Variants in DTX4 observed in about 807,000 individuals in gnomAD.
The protein encoded by DTX4 is deltex E3 ubiquitin ligase 4, also known as E3 ubiquitin-protein ligase DTX4.
In DTX4, 28 loss-of-function variants were observed where a neutral mutation model predicts 57.6. The observed-to-expected ratio is 0.49, with a 90% CI of 0.36 to 0.67. The LOEUF (loss-of-function observed/expected upper bound fraction) is 0.67, where lower values mean the gene tolerates loss of function less well. DTX4 is among the 30% of genes least tolerant of loss of function. The probability of loss-of-function intolerance (pLI) is 0.00; values close to 1 mark genes in which losing one functional copy is unlikely to be tolerated. For synonymous variants in DTX4, 316 were observed against 331.0 expected, an observed-to-expected ratio of 0.95 and a Z score of 0.49; for missense variants, 715 against 836.8, an observed-to-expected ratio of 0.85 and a Z score of 1.80.
intron 7 of DTX4, among the ~76,000 whole-genome samples, 182 bp downstream of exon 7, chr11:59,195,551 C>G (rs1390436344): frequency 6.6e-6 from 1 of 152,180 alleles, no homozygotes; most frequent in Non-Finnish European, 1.5e-5. Context: ...TCCTATGTAT[C>G]CTTCCAGGAT....
At chr11:59,187,243 T>C (rs1862540056) in intron 2 of DTX4, among the ~76,000 whole-genome samples, 1 of 152,262 alleles carries the variant, frequency 6.6e-6, no homozygotes, top group Non-Finnish European at 1.5e-5. Flanking sequence ...TGGGCTCTGG[T>C]GCCAGATTTT....
At chr11:59,201,687 G>A (rs1437411936) in intron 8 of DTX4, among the ~76,000 whole-genome samples, 1 of 152,238 alleles carries the variant, frequency 6.6e-6, no homozygotes, top group Non-Finnish European at 1.5e-5. Context: ...TGCGAGTGCA[G>A]TGTCCCCAGA....
chr11:59,202,660 G>A (rs1205471347), intron 8 of DTX4, among the ~76,000 whole-genome samples: 1 of 152,124 alleles, frequency 6.6e-6, no homozygotes, highest in Non-Finnish European at 1.5e-5. Flanking sequence ...ATGGAGTCAG[G>A]CAGTCCTGAA....
At chr11:59,195,085 T>C in intron 6 of DTX4, 123 bp from the exon 7 acceptor site, 2 of 1,006,928 alleles carry the variant, frequency 2.0e-6, no homozygotes, top group Non-Finnish European at 1.5e-6. Flanking sequence ...AACTAAGATC[T>C]ATCACTCACC....
intron 2 of DTX4, among the ~76,000 whole-genome samples, chr11:59,184,282 C>A (rs908335284): frequency 2.0e-5 from 3 of 152,206 alleles, no homozygotes; most frequent in Non-Finnish European, 4.4e-5. Flanking sequence ...GAAACTAGGA[C>A]TGTCTGGGCT....
intron 2 of DTX4, among the ~76,000 whole-genome samples, chr11:59,186,320 G>A (rs1215079272): frequency 6.6e-6 from 1 of 152,194 alleles, no homozygotes; most frequent in African/African-American, 2.4e-5. Flanking sequence ...GCCAGATTGG[G>A]TGTGGAAACC....
intron 6 of DTX4, among the ~76,000 whole-genome samples, chr11:59,192,783 T>A (rs1489406394): frequency 6.6e-6 from 1 of 152,188 alleles, no homozygotes. Context: ...GTACACCTGG[T>A]AATCCCTGCC....
At chr11:59,174,676 A>C (rs1862373580) in intron 1 of DTX4, among the ~76,000 whole-genome samples, 1 of 152,024 alleles carries the variant, frequency 6.6e-6, no homozygotes, top group Non-Finnish European at 1.5e-5. Flanking sequence ...AAGGTTCATG[A>C]CCCTTTCTAC....
chr11:59,172,683 A>T lies in DTX4; in HGVS notation c.88A>T (p.Ile30Phe). The change falls in exon 1 of 9, where the codon ATC becomes TTC. Residue 30 changes from isoleucine to phenylalanine, a missense_variant. Transcript: ENST00000227451. ...RPYSPAVSHH[I>F]EAVVRAGPRA... is the part of the protein sequence containing the mutation. ...CTACAGCCCAGCGGTGAGCCACCAC[A>T]TCGAGGCGGTGGTCCGCGCCGGCCC... is the stretch of plus-strand genomic sequence containing the variant. 6.2e-7 allele frequency: 1 copy of T among 1,600,726 alleles called. No individual in the cohort carries two copies. Among genetic ancestry groups the T allele is most frequent in the Non-Finnish European group, 8.5e-7 (1 of 1,176,468 alleles).
chr11:59,192,372 G>C, intron 6 of DTX4, 122 bp downstream of exon 6: 1 of 1,166,040 alleles, frequency 8.6e-7, no homozygotes, highest in Non-Finnish European at 1.2e-6. Context: ...TTATCCCTAG[G>C]CAAGAGTGAT....
At chr11:59,192,048 A>G (rs765531225) in intron 5 of DTX4, 50 bp from the exon 6 acceptor site, 5 of 1,587,554 alleles carry the variant, frequency 3.1e-6, no homozygotes, top group Non-Finnish European at 1.7e-6. Flanking sequence ...GAAATCTCCC[A>G]GGCTGAGTGA....
rs1286320101 is a variant in DTX4 at position 59,208,388 on chromosome 11, TGCTGG to T, written c.*3481_*3485del. The T allele has an allele frequency of 1.3e-5, 2 of 152,174 alleles. No homozygotes were observed. Among genetic ancestry groups the T allele is most frequent in the Admixed American group, 6.5e-5 (1 of 15,280 alleles). 9.4% of individuals were successfully genotyped at this position (152,174 alleles called of 1,614,324 possible). ...GTTTGCCTAAAGGAACAGACCACAT[TGCTGG>T]GAAAATGAGTAAGTGAACGTGTGGG... On this transcript the variant is annotated 3_prime_UTR_variant, in exon 9 of 9. Coordinates refer to ENST00000227451, the MANE Select transcript of DTX4 (RefSeq NM_015177.2).
At chr11:59,171,643 G>A (rs1433698057), upstream of DTX4, among the ~76,000 whole-genome samples, 1 of 152,182 alleles carries the variant, frequency 6.6e-6, no homozygotes, top group Non-Finnish European at 1.5e-5. Flanking sequence ...AGCAGGGGGC[G>A]TGTCTTCTGC....
chr11:59,191,031 C>G, intron 4 of DTX4, 83 bp from the exon 5 acceptor site: 1 of 1,313,690 alleles, frequency 7.6e-7, no homozygotes, highest in Non-Finnish European at 1.1e-6. Context: ...TGATAACGTC[C>G]CCCTCTACCA....
intron 1 of DTX4, 90 bp downstream of exon 1, chr11:59,172,896 C>G: frequency 1.9e-6 from 2 of 1,029,522 alleles, no homozygotes; most frequent in Non-Finnish European, 2.7e-6. Flanking sequence ...ACCTTGGCCA[C>G]CTAGTCGGCA....
chr11:59,188,500 A>T (rs533108823), intron 2 of DTX4, among the ~76,000 whole-genome samples: 44 of 152,318 alleles, frequency 2.9e-4, no homozygotes, highest in African/African-American at 1.0e-3. Flanking sequence ...GTGTTGGCAG[A>T]TCGTGCTGGG....
rs1453186155 is a variant in DTX4 at position 59,172,619 on chromosome 11, G to T, written c.24G>T (p.Val8=). MLLASAV[V]VWEWLNEHGR... The stretch of plus-strand genomic sequence containing the variant: ...CCATGCTCCTGGCCTCGGCCGTGGT[G>T]GTCTGGGAATGGCTGAACGAGCACG... Residue 8 remains valine (V), a synonymous_variant, in exon 1 of 9, where the codon GTG becomes GTT. Coordinates refer to ENST00000227451, the MANE Select transcript of DTX4 (RefSeq NM_015177.2). The T allele has an allele frequency of 1.3e-6, 2 of 1,573,090 alleles. No individual in the cohort carries two copies. The highest frequency in any genetic ancestry group is 8.6e-7 in the Non-Finnish European group (1 of 1,167,086).
chr11:59,201,453 C>T (rs1262101653), intron 8 of DTX4, among the ~76,000 whole-genome samples: 2 of 152,156 alleles, frequency 1.3e-5, no homozygotes, highest in East Asian at 1.9e-4. Flanking sequence ...AGAACCCAAG[C>T]GGAAGTGTGT....
In DTX4 at chr11:59,182,180, G is replaced by A. The variant is rs778600523; in HGVS notation, c.653G>A (p.Arg218His). ...STGPLQLPVT[R>H]KNMPPPGVVK... ...GGGCCCCTACAGCTGCCAGTGACCCGCAAGAACATGCCGCCTCCTGGAGTG... is the reference window on the plus strand; with the variant it reads ...GGGCCCCTACAGCTGCCAGTGACCCACAAGAACATGCCGCCTCCTGGAGTG... The change falls in exon 2 of 9, where the codon CGC becomes CAC. Residue 218 changes from arginine to histidine, a missense_variant. Coordinates refer to ENST00000227451, the MANE Select transcript of DTX4 (RefSeq NM_015177.2). 49 of 1,612,276 alleles carry A rather than the reference G, an allele frequency of 3.0e-5. No homozygotes were observed. Among genetic ancestry groups the A allele is most frequent in the South Asian group, 2.0e-4 (18 of 90,946 alleles).
Sources: allele counts gnomAD v4.1 joint callset (sites outside exome capture counted in the v4.1 genomes callset), GRCh38; gene constraint gnomAD v4.1.1; transcripts MANE v1.5; gene names NCBI Gene and HGNC (gene_info 2026-07-23, HGNC 2026-07-21).